The following GRIP1 variants were observed in gnomAD, a reference collection of about 807,000 sequenced individuals.
GRIP1 encodes the protein glutamate receptor-interacting protein 1.
Under a neutral mutation model 129.9 loss-of-function variants are expected in GRIP1, and 45 were observed. The ratio of observed to expected loss-of-function variants is 0.35; its 90% CI spans 0.27 to 0.44. GRIP1 has a LOEUF of 0.44. Among genes scored for constraint, GRIP1 ranks in the 20% least tolerant of loss-of-function variants. The pLI is 1.00. For missense variants in GRIP1, 1,196 were observed against 1,396.8 expected, an observed-to-expected ratio of 0.86 and a Z score of 2.29; for synonymous variants, 530 against 520.8, an observed-to-expected ratio of 1.02 and a Z score of -0.24.
intron 1 of GRIP1, among the ~76,000 whole-genome samples, chr12:66,922,340 T>C (rs1313368076): frequency 2.0e-5 from 3 of 152,208 alleles, no homozygotes; most frequent in African/African-American, 7.2e-5. Flanking sequence ...ACCCACCTTC[T>C]ATAAAACCAG....
At chr12:66,836,039 A>T (rs1269390042) in intron 1 of GRIP1, among the ~76,000 whole-genome samples, 1 of 152,178 alleles carries the variant, frequency 6.6e-6, no homozygotes, top group East Asian at 1.9e-4. Flanking sequence ...TGGTCTAAAA[A>T]TAAACTCTAT....
At chr12:66,734,400 G>A (rs2036532466) in intron 1 of GRIP1, among the ~76,000 whole-genome samples, 1 of 152,056 alleles carries the variant, frequency 6.6e-6, no homozygotes, top group South Asian at 2.1e-4. Context: ...GCCTTTGATT[G>A]TCTGAAATTC....
At chr12:66,956,599 C>A (rs1233402486) in intron 1 of GRIP1, among the ~76,000 whole-genome samples, 7 of 152,164 alleles carry the variant, frequency 4.6e-5, no homozygotes, top group African/African-American at 1.7e-4. Flanking sequence ...AAAGCCACCA[C>A]ACAATTAATA....
chr12:67,069,024 C>A, intron 1 of GRIP1: 1 of 949,202 alleles, frequency 1.1e-6, no homozygotes, highest in Non-Finnish European at 1.3e-6. Context: ...CCTGCCCTCC[C>A]TCCCCGGCCC....
At chr12:66,922,488 T>G (rs2041229561) in intron 1 of GRIP1, among the ~76,000 whole-genome samples, 1 of 152,254 alleles carries the variant, frequency 6.6e-6, no homozygotes. Context: ...GTACAACAGA[T>G]TTCTGAGTAG....
chr12:66,414,102 A>T (rs2057497965), intron 15 of GRIP1, among the ~76,000 whole-genome samples: 1 of 152,170 alleles, frequency 6.6e-6, no homozygotes, highest in Non-Finnish European at 1.5e-5. Flanking sequence ...GACCAGGGCA[A>T]TCAGGCAAGA....
At chr12:66,481,541 A>G (rs1219951472) in intron 7 of GRIP1, among the ~76,000 whole-genome samples, 2 of 152,182 alleles carry the variant, frequency 1.3e-5, no homozygotes, top group Non-Finnish European at 2.9e-5. Flanking sequence ...TCAGTGTGGC[A>G]ATTCCTCAAG....
chr12:66,523,291 T>C (rs1420184818), intron 5 of GRIP1, among the ~76,000 whole-genome samples: 1 of 150,320 alleles, frequency 6.7e-6, no homozygotes, highest in Non-Finnish European at 1.5e-5. Flanking sequence ...AAGGTCGGGT[T>C]ACCCACAAAG....
chr12:66,992,330 G>A (rs1437103848), intron 1 of GRIP1, among the ~76,000 whole-genome samples: 1 of 151,832 alleles, frequency 6.6e-6, no homozygotes, highest in Non-Finnish European at 1.5e-5. Flanking sequence ...TTTCCCACTG[G>A]AAGCTAAATA....
intron 1 of GRIP1, among the ~76,000 whole-genome samples, chr12:66,764,150 C>T (rs2136683793): frequency 6.6e-6 from 1 of 152,242 alleles, no homozygotes; most frequent in South Asian, 2.1e-4. Context: ...AAAATAGGTT[C>T]CATTTGTGTT....
chr12:66,354,016 C>T (rs966787877), intron 23 of GRIP1, among the ~76,000 whole-genome samples: 7 of 152,182 alleles, frequency 4.6e-5, no homozygotes, highest in African/African-American at 1.7e-4. Context: ...GGCGTATCCT[C>T]TCTTTGGGCA....
At chr12:67,007,034 CTT>C (rs2042637058) in intron 1 of GRIP1, among the ~76,000 whole-genome samples, 1 of 152,126 alleles carries the variant, frequency 6.6e-6, no homozygotes. Flanking sequence ...TGTATTTAAA[CTT>C]TTCTTTTTGA....
At chr12:66,462,755 T>G in intron 9 of GRIP1, among the ~76,000 whole-genome samples, 169 bp downstream of exon 9, 1 of 134,566 alleles carries the variant, frequency 7.4e-6, no homozygotes, top group African/African-American at 2.9e-5. Flanking sequence ...TCAACCGAGA[T>G]CATGCTACTG....
intron 1 of GRIP1, among the ~76,000 whole-genome samples, chr12:66,820,466 TTCTC>T (rs1419410731): frequency 3.3e-5 from 5 of 152,274 alleles, no homozygotes; most frequent in African/African-American, 7.2e-5. Flanking sequence ...CAACTAAATA[TTCTC>T]TCTTAGTATT....
intron 1 of GRIP1, among the ~76,000 whole-genome samples, chr12:66,877,013 G>A (rs1403280677): frequency 6.6e-6 from 1 of 151,958 alleles, no homozygotes; most frequent in Non-Finnish European, 1.5e-5. Context: ...CAGGAATGCA[G>A]CCTCAATATG....
chr12:66,652,142 AT>A (rs1309569588), intron 1 of GRIP1, among the ~76,000 whole-genome samples: 1 of 152,152 alleles, frequency 6.6e-6, no homozygotes, highest in Non-Finnish European at 1.5e-5. Flanking sequence ...AGTAGCAGCT[AT>A]GGGAGTGAAA....
chr12:66,741,773 A>T lies in GRIP1; in HGVS notation c.-420+62280T>A, dbSNP rs566714170. Reference sequence around the variant, plus strand: ...GCTACATTTCAAATGCTCTATAGCCAGCCACATGCAGCTAGTGGCTATGGT... The same window carrying T: ...GCTACATTTCAAATGCTCTATAGCCTGCCACATGCAGCTAGTGGCTATGGT... On this transcript the variant is annotated intron_variant, in intron 1 of 4. Coordinates refer to the GRIP1 transcript ENST00000538373. Among the ~76,000 whole-genome samples, 4 of 152,322 alleles carry T rather than the reference A, an allele frequency of 2.6e-5. No homozygotes were observed. In the East Asian group the frequency reaches 7.7e-4, roughly 29 times the overall value.
At chr12:66,670,364 A>C (rs1197402156) in intron 1 of GRIP1, among the ~76,000 whole-genome samples, 1 of 152,178 alleles carries the variant, frequency 6.6e-6, no homozygotes, top group Non-Finnish European at 1.5e-5. Context: ...TCCCCATGGA[A>C]CATTCCTTCC....
intron 7 of GRIP1, among the ~76,000 whole-genome samples, chr12:66,478,773 A>T (rs71450902): frequency 6.6e-6 from 1 of 152,132 alleles, no homozygotes; most frequent in Non-Finnish European, 1.5e-5. Context: ...GCAAACTATC[A>T]CAAGGACAAA....
Sources: allele counts gnomAD v4.1 joint callset (sites outside exome capture counted in the v4.1 genomes callset), GRCh38; gene constraint gnomAD v4.1.1; transcripts MANE v1.5; gene names NCBI Gene and HGNC (gene_info 2026-07-23, HGNC 2026-07-21).